Variants in NCKAP5 observed in about 807,000 individuals in gnomAD.
NCKAP5 encodes nck-associated protein 5.
NCKAP5 carries 92 observed loss-of-function variants against 167.0 expected under a neutral mutation model. That is an observed-to-expected ratio of 0.55 (90% CI 0.47 to 0.66). The LOEUF is 0.66. Ranked by LOEUF, NCKAP5 falls within the 30% of genes least tolerant of loss-of-function variation. NCKAP5 has a pLI of 0.00. For synonymous variants in NCKAP5, 891 were observed against 877.4 expected (o/e 1.02, Z -0.27); for missense variants, 2,378 against 2,315.0 (o/e 1.03, Z -0.56).
chr2:133,252,563 G>A (rs779004410), intron 4 of NCKAP5, among the ~76,000 whole-genome samples: 14 of 152,270 alleles, frequency 9.2e-5, no homozygotes, highest in African/African-American at 3.1e-4. Flanking sequence ...TAATGCTGCC[G>A]TGAAGCAGTC....
chr2:133,315,836 T>G (rs575901963), intron 3 of NCKAP5, among the ~76,000 whole-genome samples: 4 of 151,624 alleles, frequency 2.6e-5, no homozygotes, highest in Admixed American at 1.3e-4. Context: ...TCACTTGGGG[T>G]AGAGGTTGGG....
chr2:133,598,189 A>T, the NCKAP5 span, among the ~76,000 whole-genome samples: 1 of 152,168 alleles, frequency 6.6e-6, no homozygotes, highest in Non-Finnish European at 1.5e-5. Flanking sequence ...TGCTGTGAGG[A>T]TTAAATGAGT....
At chr2:133,392,197 T>G (rs964358428) in intron 3 of NCKAP5, among the ~76,000 whole-genome samples, 6 of 152,372 alleles carry the variant, frequency 3.9e-5, no homozygotes, top group African/African-American at 9.6e-5. Context: ...AAACCATACA[T>G]GTACTGTATG....
At chr2:133,295,760 G>A (rs943675864) in intron 4 of NCKAP5, among the ~76,000 whole-genome samples, 50 of 152,266 alleles carry the variant, frequency 3.3e-4, no homozygotes, top group African/African-American at 1.1e-3. Context: ...CCCAAATGTC[G>A]ACAGTGCCTT....
At chr2:133,495,965 C>T (rs1326836130) in intron 3 of NCKAP5, among the ~76,000 whole-genome samples, 1 of 152,134 alleles carries the variant, frequency 6.6e-6, no homozygotes, top group Non-Finnish European at 1.5e-5. Flanking sequence ...AAGCCAGGAG[C>T]ATGCACAAAA....
the NCKAP5 span, among the ~76,000 whole-genome samples, chr2:133,641,997 A>G: frequency 6.6e-6 from 1 of 152,120 alleles, no homozygotes. Context: ...TTGGCTCATG[A>G]TTTTAGTGGC....
At chr2:133,575,308 C>T in the NCKAP5 span, among the ~76,000 whole-genome samples, 10 of 152,178 alleles carry the variant, frequency 6.6e-5, no homozygotes, top group African/African-American at 2.4e-4. Context: ...TTTCCAGGTA[C>T]AATAACCATT....
At chr2:133,467,083 G>C (rs1376752311) in intron 3 of NCKAP5, among the ~76,000 whole-genome samples, 2 of 151,842 alleles carry the variant, frequency 1.3e-5, no homozygotes, top group Non-Finnish European at 2.9e-5. Context: ...TCCCTGTCTT[G>C]TGCCAGTTTT....
the NCKAP5 span, among the ~76,000 whole-genome samples, chr2:133,599,077 C>A: frequency 2.6e-5 from 4 of 152,338 alleles, no homozygotes; most frequent in East Asian, 5.8e-4. Context: ...TTATAAGAAC[C>A]AGTCAGTGGA....
At chr2:133,373,990 G>A (rs1685973717) in intron 3 of NCKAP5, among the ~76,000 whole-genome samples, 1 of 152,274 alleles carries the variant, frequency 6.6e-6, no homozygotes, top group South Asian at 2.1e-4. Context: ...GATAGTAATG[G>A]TGCAATCACA....
At position 132,811,527 on chromosome 2, in the gene NCKAP5, G is replaced by C. The variant is rs1257498455; in HGVS notation, c.808-14798C>G. ...TAGTCATGCAGGTTGTCAGGGAAGT[G>C]GGGGAAAGCCGGCAGTCACAGGCCT... is the stretch of plus-strand genomic sequence containing the variant. On this transcript the variant is annotated intron_variant, in intron 11 of 19. Coordinates refer to ENST00000409261, the MANE Select transcript of NCKAP5 (RefSeq NM_207363.3). Among the ~76,000 whole-genome samples the C allele has an allele frequency of 3.3e-5, 5 of 152,130 alleles. No individual in the cohort carries two copies. The East Asian group carries it at 5.8e-4, about 18-fold the overall frequency.
intron 11 of NCKAP5, among the ~76,000 whole-genome samples, chr2:132,819,521 T>C (rs1340118219): frequency 6.6e-6 from 1 of 152,154 alleles, no homozygotes; most frequent in Admixed American, 6.5e-5. Context: ...ACCCTTTGCC[T>C]GTAGGAGGCA....
chr2:133,319,157 G>A (rs71413548), intron 3 of NCKAP5, among the ~76,000 whole-genome samples: 3,419 of 79,814 alleles, frequency 0.043, 55 homozygotes, highest in Non-Finnish European at 0.061. Context: ...CTCCCCCCCC[G>A]CCCCCTTCCA....
At position 132,948,825 on chromosome 2, in the gene NCKAP5, C is replaced by A. The variant is rs72614499; in HGVS notation, c.579+14895G>T. Among the ~76,000 whole-genome samples the A allele has an allele frequency of 7.2e-3, 1,102 of 152,094 alleles. 66 individuals carry two copies. In the East Asian group the frequency reaches 0.16, roughly 22 times the overall value. On this transcript the variant is annotated intron_variant, in intron 8 of 19. Coordinates refer to ENST00000409261, the MANE Select transcript of NCKAP5 (RefSeq NM_207363.3). ...CTCCACTTTGGCAGGTAGGTAGCAG[C>A]CCATGGACACAAGTAAATCAGGTCT...
intron 5 of NCKAP5, among the ~76,000 whole-genome samples, chr2:133,196,745 A>G (rs1422143646): frequency 6.6e-6 from 1 of 152,186 alleles, no homozygotes; most frequent in Non-Finnish European, 1.5e-5. Flanking sequence ...AAGCTCCAGA[A>G]GCAGCATTCT....
chr2:133,070,083 A>G (rs148649432), intron 6 of NCKAP5, among the ~76,000 whole-genome samples: 278 of 152,304 alleles, frequency 1.8e-3, no homozygotes, highest in African/African-American at 5.9e-3. Context: ...TAACTTGGCA[A>G]ACTCTGGAAC....
chr2:132,976,600 G>A (rs1326009321), intron 7 of NCKAP5, among the ~76,000 whole-genome samples: 8 of 149,508 alleles, frequency 5.4e-5, no homozygotes, highest in African/African-American at 2.0e-4. Flanking sequence ...GAAAGAGTAA[G>A]TATACTTAAC....
chr2:133,039,317 G>A (rs1030222377), intron 6 of NCKAP5, among the ~76,000 whole-genome samples: 2 of 152,072 alleles, frequency 1.3e-5, no homozygotes, highest in Non-Finnish European at 2.9e-5. Flanking sequence ...GGCCATGGGA[G>A]GTAATATTTT....
At chr2:132,968,370 C>A (rs927866544) in intron 7 of NCKAP5, among the ~76,000 whole-genome samples, 1 of 152,136 alleles carries the variant, frequency 6.6e-6, no homozygotes, top group African/African-American at 2.4e-5. Flanking sequence ...TCAGGACTTA[C>A]CAAAAGCAGT....
Sources: allele counts gnomAD v4.1 joint callset (sites outside exome capture counted in the v4.1 genomes callset), GRCh38; gene constraint gnomAD v4.1.1; transcripts MANE v1.5; gene names NCBI Gene and HGNC (gene_info 2026-07-23, HGNC 2026-07-21).